GTF2E1: variants seen among roughly 807,000 people sequenced by gnomAD.
GTF2E1 encodes TFIIE alpha subunit.
A neutral mutation model predicts 34.9 loss-of-function variants in GTF2E1; 14 were observed. That is an observed-to-expected ratio of 0.40 (90% CI 0.27 to 0.63). The LOEUF is 0.63. Ranked by LOEUF, GTF2E1 falls within the 20% of genes least tolerant of loss-of-function variation. The pLI is 0.39. For missense variants in GTF2E1, 469 were observed against 557.7 expected (o/e 0.84, Z 1.60); for synonymous variants, 188 against 192.9 (o/e 0.97, Z 0.21).
At chr3:120,774,467 A>C (rs971696564) in intron 3 of GTF2E1, among the ~76,000 whole-genome samples, 2 of 152,226 alleles carry the variant, frequency 1.3e-5, no homozygotes, top group African/African-American at 4.8e-5. Flanking sequence ...CATAGCCTTT[A>C]AAAGACCACA....
chr3:120,763,448 G>A (rs1709281736), intron 2 of GTF2E1, among the ~76,000 whole-genome samples: 2 of 152,160 alleles, frequency 1.3e-5, no homozygotes, highest in Admixed American at 6.5e-5. Context: ...GGAAAACGGT[G>A]TCTAAATATG....
intron 4 of GTF2E1, among the ~76,000 whole-genome samples, chr3:120,780,728 T>C (rs1471447223): frequency 2.0e-5 from 3 of 152,234 alleles, no homozygotes; most frequent in Non-Finnish European, 4.4e-5. Flanking sequence ...GATGCTTTTA[T>C]CACCTCATTT....
intron 3 of GTF2E1, among the ~76,000 whole-genome samples, chr3:120,775,822 C>A (rs1208991068): frequency 2.0e-5 from 3 of 152,170 alleles, no homozygotes; most frequent in Non-Finnish European, 4.4e-5. Context: ...TAGAAACATA[C>A]AACTACATAG....
At chr3:120,754,409 A>G (rs1022748661) in intron 2 of GTF2E1, among the ~76,000 whole-genome samples, 19 of 152,134 alleles carry the variant, frequency 1.2e-4, no homozygotes, top group Admixed American at 1.0e-3. Flanking sequence ...TAATGTACCA[A>G]ACTCTCCTGT....
intron 2 of GTF2E1, among the ~76,000 whole-genome samples, chr3:120,763,239 C>T (rs1404721929): frequency 1.3e-5 from 2 of 152,052 alleles, no homozygotes; most frequent in African/African-American, 4.8e-5. Context: ...AATATTCATC[C>T]ATGTATTATC....
chr3:120,752,333 AT>A (rs1367275940), intron 2 of GTF2E1, among the ~76,000 whole-genome samples: 6 of 152,196 alleles, frequency 3.9e-5, no homozygotes, highest in African/African-American at 1.4e-4. Flanking sequence ...GAAAAGTCTC[AT>A]GATTCTTGCC....
chr3:120,763,676 A>G (rs55831173), intron 2 of GTF2E1, among the ~76,000 whole-genome samples: 29,952 of 151,910 alleles, frequency 0.2, 3,514 homozygotes, highest in East Asian at 0.36. Flanking sequence ...AAAAACTTGG[A>G]TTCAAAGTTT....
At chr3:120,765,836 C>T (rs1434630699) in intron 2 of GTF2E1, among the ~76,000 whole-genome samples, 1 of 152,116 alleles carries the variant, frequency 6.6e-6, no homozygotes, top group African/African-American at 2.4e-5. Flanking sequence ...CCTCCTAACC[C>T]CATCATTTGT....
chr3:120,778,998 C>T lies in GTF2E1; in HGVS notation c.893-2045C>T, dbSNP rs548235995. ...ACCCACAATTGCTTAGCATCAATTC[C>T]GTGAATATAGTTTCCCAGTATACAT... On this transcript the variant is annotated intron_variant, in intron 4 of 4. Transcript: ENST00000283875. Among the ~76,000 whole-genome samples the T allele has an allele frequency of 1.6e-4, 24 of 152,200 alleles. No homozygotes were observed. The South Asian group carries it at 4.6e-3, about 29-fold the overall frequency.
chr3:120,760,228 C>T (rs1161820592), intron 2 of GTF2E1, among the ~76,000 whole-genome samples: 3 of 152,018 alleles, frequency 2.0e-5, no homozygotes, highest in Admixed American at 1.3e-4. Context: ...ATTTGACTCT[C>T]TGTTTATTAT....
At chr3:120,779,101 C>T (rs918059196) in intron 4 of GTF2E1, among the ~76,000 whole-genome samples, 45 of 152,160 alleles carry the variant, frequency 3.0e-4, no homozygotes, top group Non-Finnish European at 2.2e-4. Context: ...CAGAAATTTG[C>T]TCATTTATCC....
At chr3:120,776,294 A>G (rs1218372017) in intron 3 of GTF2E1, 129 bp from the exon 4 acceptor site, 2 of 778,688 alleles carry the variant, frequency 2.6e-6, no homozygotes, top group Non-Finnish European at 4.2e-6. Context: ...TTGTTAAAGC[A>G]TGTGTGCATG....
intron 1 of GTF2E1, among the ~76,000 whole-genome samples, chr3:120,747,082 A>G (rs934034538): frequency 1.3e-5 from 2 of 151,328 alleles, no homozygotes; most frequent in Admixed American, 6.6e-5. Context: ...TTCAAAGCCC[A>G]GTTTTGTGTT....
At chr3:120,752,128 A>C (rs1010162919) in intron 2 of GTF2E1, among the ~76,000 whole-genome samples, 1 of 152,180 alleles carries the variant, frequency 6.6e-6, no homozygotes, top group Admixed American at 6.5e-5. Context: ...ATGATTTTGG[A>C]TGAAAACTGA....
rs535979057 is a variant in GTF2E1 at position 120,766,687 on chromosome 3, T to C, written c.449-4041T>C. 3.3e-4 allele frequency among the ~76,000 whole-genome samples: 51 copies of C among 152,254 alleles called. No homozygotes were observed. In the Middle Eastern group the frequency reaches 0.01, roughly 30 times the overall value. On this transcript the variant is annotated intron_variant, in intron 2 of 4. Coordinates refer to ENST00000283875, the MANE Select transcript of GTF2E1 (RefSeq NM_005513.3). ...TCAGCTAGAAGTCACATTCCTTCTT[T>C]GAACTCCAAAACATTTATGTACTTT...
At chr3:120,768,986 TTTATGC>T (rs1167374457) in intron 2 of GTF2E1, among the ~76,000 whole-genome samples, 1 of 152,138 alleles carries the variant, frequency 6.6e-6, no homozygotes, top group African/African-American at 2.4e-5. Flanking sequence ...ATTCCTTGAG[TTTATGC>T]CTTAACTGCT....
chr3:120,767,007 ACTTTT>A (rs1184003021), intron 2 of GTF2E1, among the ~76,000 whole-genome samples: 2 of 152,006 alleles, frequency 1.3e-5, no homozygotes, highest in African/African-American at 4.8e-5. Flanking sequence ...CAAATTTCTT[ACTTTT>A]CTTGCATTTT....
At chr3:120,779,605 A>G (rs1035933212) in intron 4 of GTF2E1, among the ~76,000 whole-genome samples, 11 of 152,174 alleles carry the variant, frequency 7.2e-5, no homozygotes, top group African/African-American at 2.7e-4. Context: ...ATTCATTTTA[A>G]TGTGTTAATG....
chr3:120,752,153 A>T (rs1005696680), intron 2 of GTF2E1, among the ~76,000 whole-genome samples: 1 of 152,218 alleles, frequency 6.6e-6, no homozygotes, highest in Admixed American at 6.5e-5. Context: ...AGGAATTCAC[A>T]ATTGTATTAA....
Sources: allele counts gnomAD v4.1 joint callset (sites outside exome capture counted in the v4.1 genomes callset), GRCh38; gene constraint gnomAD v4.1.1; transcripts MANE v1.5; gene names NCBI Gene and HGNC (gene_info 2026-07-23, HGNC 2026-07-21).